Variants in AGO3 observed in about 807,000 individuals in gnomAD.
AGO3 encodes the protein argonaute RISC catalytic component 3, also known as protein argonaute-3.
In AGO3, 16 loss-of-function variants were observed where a neutral mutation model predicts 105.5. The observed-to-expected ratio is 0.15, with a 90% CI of 0.10 to 0.23. The LOEUF is 0.23. Among genes scored for constraint, AGO3 ranks in the 10% least tolerant of loss-of-function variants. The probability of loss-of-function intolerance (pLI) is 1.00; values close to 1 mark genes in which losing one functional copy is unlikely to be tolerated. For missense variants in AGO3, 534 were observed against 1,088.0 expected, an observed-to-expected ratio of 0.49 and a Z score of 7.16; for synonymous variants, 340 against 367.3, an observed-to-expected ratio of 0.93 and a Z score of 0.85.
chr1:35,989,509 A>G (rs1647416007), intron 5 of AGO3, among the ~76,000 whole-genome samples: 1 of 152,154 alleles, frequency 6.6e-6, no homozygotes, highest in African/African-American at 2.4e-5. Context: ...AATGAAGAAT[A>G]TTTCTTTAGC....
intron 16 of AGO3, among the ~76,000 whole-genome samples, chr1:36,041,315 C>T (rs1238294539): frequency 3.5e-5 from 5 of 141,892 alleles, no homozygotes; most frequent in Non-Finnish European, 4.5e-5. Flanking sequence ...GATCTCAGCT[C>T]GCTGCAAGCT....
chr1:36,004,784 T>C lies in AGO3; in HGVS notation c.793+309T>C, dbSNP rs374826954. On this transcript the variant is annotated intron_variant, in intron 6 of 18. Coordinates refer to ENST00000373191, the MANE Select transcript of AGO3 (RefSeq NM_024852.4). ...AGTAATACTGTTAAAAGTAGGAAGCTCACTCCAAAAATATTTGTTATATTT... is the reference window on the plus strand; with the variant it reads ...AGTAATACTGTTAAAAGTAGGAAGCCCACTCCAAAAATATTTGTTATATTT... Among the ~76,000 whole-genome samples, 17 of 152,218 alleles carry C rather than the reference T, an allele frequency of 1.1e-4. No individual in the cohort carries two copies. In the East Asian group the frequency reaches 1.5e-3, roughly 14 times the overall value.
At chr1:35,992,288 C>G (rs2148795467) in intron 5 of AGO3, 2 of 152,322 alleles carry the variant, frequency 1.3e-5, no homozygotes, top group East Asian at 3.9e-4. Context: ...TGTATCTCTT[C>G]CAGTTAGTAT....
chr1:35,971,957 G>T, intron 3 of AGO3, 67 bp from the exon 4 acceptor site: 1 of 1,417,818 alleles, frequency 7.1e-7, no homozygotes, highest in Non-Finnish European at 9.7e-7. Context: ...ATTTTTATAA[G>T]TTAAATCTAA....
chr1:36,025,355 A>G (rs1641452259), intron 11 of AGO3, among the ~76,000 whole-genome samples: 1 of 151,284 alleles, frequency 6.6e-6, no homozygotes, highest in South Asian at 2.1e-4. Flanking sequence ...GTGAAATGTC[A>G]CAAGGATGGC....
intron 5 of AGO3, among the ~76,000 whole-genome samples, chr1:35,978,191 A>G (rs1488616053): frequency 6.6e-6 from 1 of 151,968 alleles, no homozygotes; most frequent in Non-Finnish European, 1.5e-5. Flanking sequence ...AGGTACCCAA[A>G]TTTCTTGACA....
rs768689668 is a variant in AGO3 at position 36,048,121 on chromosome 1, TG to T, written c.2274+4575del. 9.9e-5 allele frequency among the ~76,000 whole-genome samples: 15 copies of T among 151,854 alleles called. No homozygotes were observed. In the East Asian group the frequency reaches 2.5e-3, roughly 25 times the overall value. On this transcript the variant is annotated intron_variant, in intron 17 of 18. Transcript: ENST00000373191. The stretch of plus-strand genomic sequence containing the variant: ...TTTCTCCACAGAAACCTTATAGGCC[TG>T]GAGAGATTGAGATGATATATTCAAA...
intron 2 of AGO3, among the ~76,000 whole-genome samples, chr1:35,963,299 A>G (rs953863282): frequency 1.8e-4 from 27 of 152,348 alleles, no homozygotes; most frequent in South Asian, 2.1e-4. Flanking sequence ...AATCAGAAAC[A>G]ATGAACCAAG....
intron 3 of AGO3, 150 bp downstream of exon 3, chr1:35,967,225 A>G: frequency 8.6e-7 from 1 of 1,156,642 alleles, no homozygotes; most frequent in Non-Finnish European, 1.2e-6. Flanking sequence ...TTTCAAACTT[A>G]AAGAAAAGTT....
At chr1:35,969,115 C>T (rs1646822622) in intron 3 of AGO3, among the ~76,000 whole-genome samples, 1 of 151,852 alleles carries the variant, frequency 6.6e-6, no homozygotes, top group South Asian at 2.1e-4. Flanking sequence ...GGGTTTTGGG[C>T]AGTGAGTTGT....
chr1:35,985,445 C>G (rs1453967028), intron 5 of AGO3, among the ~76,000 whole-genome samples: 1 of 152,022 alleles, frequency 6.6e-6, no homozygotes, highest in Non-Finnish European at 1.5e-5. Flanking sequence ...ACAGTTATAC[C>G]ACATGGCTTC....
intron 2 of AGO3, among the ~76,000 whole-genome samples, chr1:35,958,499 A>G (rs1195104498): frequency 6.6e-6 from 1 of 152,136 alleles, no homozygotes; most frequent in East Asian, 1.9e-4. Flanking sequence ...TGTCTCTACA[A>G]GAAATACAAA....
chr1:35,986,968 C>T (rs1647207180), intron 5 of AGO3, among the ~76,000 whole-genome samples: 1 of 151,004 alleles, frequency 6.6e-6, no homozygotes, highest in African/African-American at 2.4e-5. Context: ...TGTATTCCAG[C>T]CTGGGCGACA....
intron 6 of AGO3, among the ~76,000 whole-genome samples, chr1:36,006,573 C>A (rs1044877461): frequency 1.3e-5 from 2 of 152,000 alleles, no homozygotes; most frequent in African/African-American, 4.8e-5. Flanking sequence ...ATTGTGTTCT[C>A]CCCTGAACAT....
In AGO3 at chr1:35,967,002, G is replaced by T. The variant is rs765909636; in HGVS notation, c.239G>T (p.Gly80Val). ...CAGCATTTTAAAGTAACTATATTTG[G>T]AGACCGTAGACCAGTTTATGATGGA... ...MVQHFKVTIF[G>V]DRRPVYDGKR... Residue 80 changes from glycine (G) to valine (V), a missense_variant, in exon 3 of 19, where the codon GGA becomes GTA. By Grantham distance (109) the Gly-to-Val change is moderately radical. Transcript: ENST00000373191. 6.2e-7 allele frequency: 1 copy of T among 1,613,346 alleles called. No individual in the cohort carries two copies. Among genetic ancestry groups the T allele is most frequent in the Non-Finnish European group, 8.5e-7 (1 of 1,179,742 alleles).
intron 2 of AGO3, among the ~76,000 whole-genome samples, chr1:35,962,311 A>G (rs1440671734): frequency 6.6e-6 from 1 of 152,204 alleles, no homozygotes; most frequent in Non-Finnish European, 1.5e-5. Context: ...TGGGAGGCCA[A>G]GGCGGGTGGA....
chr1:36,032,554 A>G (rs1641827135), intron 12 of AGO3, among the ~76,000 whole-genome samples: 1 of 152,124 alleles, frequency 6.6e-6, no homozygotes, highest in Non-Finnish European at 1.5e-5. Context: ...GCTAATTAAA[A>G]AAAAAATTTG....
intron 5 of AGO3, among the ~76,000 whole-genome samples, chr1:35,992,732 TGTTA>T: frequency 6.6e-6 from 1 of 152,232 alleles, no homozygotes; most frequent in African/African-American, 2.4e-5. Context: ...TTTATGTCTG[TGTTA>T]GTTATCTACC....
In AGO3 at chr1:36,058,513, A is replaced by T. The variant is rs570081299; in HGVS notation, c.*2768A>T. On this transcript the variant is annotated 3_prime_UTR_variant, in exon 19 of 19. Coordinates refer to ENST00000373191, the MANE Select transcript of AGO3 (RefSeq NM_024852.4). ...CAGTGGGCATTGTTGTTAGCCTTTC[A>T]GAATTCCATCTGCACGTGAAACCTA... 1.3e-5 allele frequency: 2 copies of T among 151,808 alleles called. No individual in the cohort carries two copies. Among genetic ancestry groups the T allele is most frequent in the African/African-American group, 2.4e-5 (1 of 41,340 alleles). 9.4% of individuals were successfully genotyped at this position (151,808 alleles called of 1,614,324 possible). A position where few individuals can be genotyped will look rare whatever the true frequency, so the allele number is the denominator to read the frequency against.
Sources: gnomAD v4.1 joint callset for allele counts (sites outside exome capture counted in the v4.1 genomes callset) on GRCh38, gnomAD v4.1.1 for gene constraint, MANE v1.5 for transcripts, NCBI Gene and HGNC (gene_info 2026-07-23, HGNC 2026-07-21) for gene names.